Variants in SF1 observed in about 807,000 individuals in gnomAD.
The protein encoded by SF1 is branch point-binding protein.
A neutral mutation model predicts 62.5 loss-of-function variants in SF1; 7 were observed. That is an observed-to-expected ratio of 0.11 (90% CI 0.06 to 0.21). The LOEUF is 0.21. SF1 is among the 10% of genes least tolerant of loss of function. The pLI is 1.00. For missense variants in SF1, 578 were observed against 884.0 expected (o/e 0.65, Z 4.39); for synonymous variants, 394 against 323.6 (o/e 1.22, Z -2.33).
chr11:64,778,165 G>GGGCGGCGGCGGAGGC (rs1339992894), intron 1 of SF1, 197 bp downstream of exon 1: 1 of 898,832 alleles, frequency 1.1e-6, no homozygotes, highest in Non-Finnish European at 1.4e-6. Context: ...GAGGCGGAGG[G>GGGCGGCGGCGGAGGC]GGCGGCGGCG....
At chr11:64,777,373 C>G (rs947245491) in intron 1 of SF1, 4 of 408,116 alleles carry the variant, frequency 9.8e-6, no homozygotes, top group African/African-American at 8.7e-5. Flanking sequence ...AACAAAGCGA[C>G]AGGGCAGCCG....
In SF1 at chr11:64,765,682, C is replaced by G; in HGVS notation, c.*136G>C. 4 of 1,468,002 alleles carry G rather than the reference C, an allele frequency of 2.7e-6. No individual in the cohort carries two copies. The highest frequency in any genetic ancestry group is 5.1e-4 in the Middle Eastern group (2 of 3,910). 90.9% of individuals were successfully genotyped at this position (1,468,002 alleles called of 1,614,324 possible). On this transcript the variant is annotated 3_prime_UTR_variant, in exon 13 of 13. Coordinates refer to ENST00000377390, the MANE Select transcript of SF1 (RefSeq NM_004630.4). ...CTCAGTCGCTTGGCCCAGCCCAGTGCGTGCACACACACACATGCGTGCACA... is the reference window on the plus strand; with the variant it reads ...CTCAGTCGCTTGGCCCAGCCCAGTGGGTGCACACACACACATGCGTGCACA...
At position 64,767,072 on chromosome 11, in the gene SF1, C is replaced by T. The variant is rs1395928640; in HGVS notation, c.1410G>A (p.Met470Ile). The T allele has an allele frequency of 6.3e-7, 1 of 1,591,548 alleles. No individual in the cohort carries two copies. The highest frequency in any genetic ancestry group is 2.3e-5 in the East Asian group (1 of 44,442). The change falls in exon 12 of 13, where the codon ATG becomes ATA. Residue 470 changes from methionine (M) to isoleucine (I), a missense_variant. Physicochemically the swap from Met to Ile is conservative, Grantham distance 10 (BLOSUM62 1). This residue lies in a region of SF1 where 410 missense variants were observed against 452.4 expected (regional missense o/e 0.91). Transcript: ENST00000377390. ...GCATCATGCCCATAGGTGGTGGCGG[C>T]ATCATACCTGTGGACAGGTGGAGGC... ...VYRLHQGKGM[M>I]PPPPMGMMPP...
chr11:64,765,732 T>C lies in SF1; in HGVS notation c.*86A>G, dbSNP rs1276999222. 2 of 1,466,102 alleles carry C rather than the reference T, an allele frequency of 1.4e-6. No individual in the cohort carries two copies. Among genetic ancestry groups the C allele is most frequent in the Non-Finnish European group, 1.8e-6 (2 of 1,109,794 alleles). 90.8% of individuals were successfully genotyped at this position (1,466,102 alleles called of 1,614,324 possible). On this transcript the variant is annotated 3_prime_UTR_variant, in exon 13 of 13. Coordinates refer to ENST00000377390, the MANE Select transcript of SF1 (RefSeq NM_004630.4). ...ACACAATCACATGCGTGCGTCCCAA[T>C]GTCTGGCTCCATATGGTGAGGTTCG...
intron 1 of SF1, chr11:64,777,910 G>A (rs1016030372): frequency 1.0e-6 from 1 of 957,534 alleles, no homozygotes; most frequent in Non-Finnish European, 1.2e-6. Flanking sequence ...TGCAGCCGCC[G>A]TCGCCGCCGC....
intron 1 of SF1, chr11:64,778,071 A>G: frequency 4.1e-6 from 4 of 979,802 alleles, no homozygotes; most frequent in Non-Finnish European, 4.9e-6. Flanking sequence ...ACGCGCTGGT[A>G]GAGCGGCGGC....
At chr11:64,771,613 C>A (rs1938331744) in intron 3 of SF1, 1 of 985,282 alleles carries the variant, frequency 1.0e-6, no homozygotes, top group Non-Finnish European at 1.2e-6. Flanking sequence ...CTAATGACGG[C>A]TAAATGACAC....
chr11:64,776,667 T>C (rs1166950917), intron 1 of SF1, 41 bp from the exon 2 acceptor site: 1 of 1,596,612 alleles, frequency 6.3e-7, no homozygotes, highest in Non-Finnish European at 8.5e-7. Context: ...TAAATACAAG[T>C]AGTTATCAAC....
chr11:64,771,770 A>C, intron 3 of SF1: 1 of 984,964 alleles, frequency 1.0e-6, no homozygotes, highest in African/African-American at 1.7e-5. Flanking sequence ...CAAGTTAAGC[A>C]GCATCAAAAT....
chr11:64,769,661 G>C (rs532858132), intron 5 of SF1, 52 bp from the exon 6 acceptor site: 1 of 1,526,368 alleles, frequency 6.6e-7, no homozygotes, highest in Non-Finnish European at 8.9e-7. Context: ...ACACTCAAGA[G>C]GGAAGAGAGG....
In SF1 at chr11:64,768,126, C is replaced by T. The variant is rs368180863; in HGVS notation, c.1048G>A (p.Ala350Thr). 41 of 1,610,028 alleles carry T rather than the reference C, an allele frequency of 2.5e-5. No individual in the cohort carries two copies. Among genetic ancestry groups the T allele is most frequent in the South Asian group, 7.7e-5 (7 of 90,560 alleles). The change falls in exon 9 of 13, where the codon GCC becomes ACC. Residue 350 changes from alanine to threonine, a missense_variant. Physicochemically the swap from Ala to Thr is moderately conservative, Grantham distance 58. Coordinates refer to ENST00000377390, the MANE Select transcript of SF1 (RefSeq NM_004630.4). Reference protein sequence around the residue: ...LASAPRPAAPANNPPPPSLMS... With the variant: ...LASAPRPAAPTNNPPPPSLMS... Reference sequence around the variant, plus strand: ...CTCACCGGTGGAGGTGGGTTGTTGGCGGGAGCAGCAGGACGAGGTGCGCTG... The same window carrying T: ...CTCACCGGTGGAGGTGGGTTGTTGGTGGGAGCAGCAGGACGAGGTGCGCTG...
At chr11:64,776,094 A>G (rs943600156) in intron 2 of SF1, 1 of 157,476 alleles carries the variant, frequency 6.4e-6, no homozygotes, top group Non-Finnish European at 1.4e-5. Context: ...GGGGAGAAAT[A>G]TAAAATTATG....
rs2058538390 is a variant in SF1 at position 64,764,910 on chromosome 11, G to A, written c.*908C>T. On this transcript the variant is annotated 3_prime_UTR_variant, in exon 13 of 13. Transcript: ENST00000377390. ...CCAAATGGAATCTGAGGCAGCTCAG[G>A]TGATCAAGGAGCACAGGAAGAACTC... 1 of 152,344 alleles carries A rather than the reference G, an allele frequency of 6.6e-6. No individual in the cohort carries two copies. Among genetic ancestry groups the A allele is most frequent in the Non-Finnish European group, 1.5e-5 (1 of 68,100 alleles). 9.4% of individuals were successfully genotyped at this position (152,344 alleles called of 1,614,324 possible).
intron 3 of SF1, 57 bp from the exon 4 acceptor site, chr11:64,770,465 G>C (rs886848891): frequency 3.8e-6 from 6 of 1,574,336 alleles, no homozygotes; most frequent in Non-Finnish European, 5.2e-6. Flanking sequence ...ATTCCCACAC[G>C]GACTATAACA....
chr11:64,769,813 AC>A, intron 5 of SF1, 150 bp downstream of exon 5: 1 of 738,048 alleles, frequency 1.4e-6, no homozygotes, highest in Non-Finnish European at 2.2e-6. Context: ...AAGTTAAGAC[AC>A]CTTCTCACAG....
chr11:64,769,158 G>A (rs759609379), intron 7 of SF1, 29 bp from the exon 8 acceptor site: 32 of 1,609,862 alleles, frequency 2.0e-5, no homozygotes. Flanking sequence ...GTCAATGCAA[G>A]GGAACAATCT....
chr11:64,775,853 A>G (rs1276343077), intron 2 of SF1, among the ~76,000 whole-genome samples: 1 of 152,216 alleles, frequency 6.6e-6, no homozygotes, highest in African/African-American at 2.4e-5. Flanking sequence ...ACTTCATTCC[A>G]TATCCATGCA....
At chr11:64,778,146 G>T in intron 1 of SF1, 1 of 855,042 alleles carries the variant, frequency 1.2e-6, no homozygotes, top group Non-Finnish European at 1.5e-6. Context: ...GGCGGCGGCG[G>T]CTGCTGGGGA....
rs994016866 is a variant in SF1 at position 64,776,732 on chromosome 11, G to A, written c.32-106C>T. On this transcript the variant is annotated intron_variant, in intron 1 of 12. Coordinates refer to ENST00000377390, the MANE Select transcript of SF1 (RefSeq NM_004630.4). ...CAGAAACTCAGCAGACTGTGAAGCT[G>A]AGAGCTTAACCTAAAACTTAAACAT... is the stretch of plus-strand genomic sequence containing the variant. 1.3e-5 allele frequency: 14 copies of A among 1,105,238 alleles called. No homozygotes were observed. The East Asian group carries it at 1.6e-4, about 12-fold the overall frequency. 68.5% of individuals were successfully genotyped at this position (1,105,238 alleles called of 1,614,324 possible). A position where few individuals can be genotyped will look rare whatever the true frequency, so the allele number is the denominator to read the frequency against.
Sources: gnomAD v4.1 joint callset for allele counts (sites outside exome capture counted in the v4.1 genomes callset) on GRCh38, gnomAD v4.1.1 for gene constraint, gnomAD v4.1.1 regional missense constraint, MANE v1.5 for transcripts, NCBI Gene and HGNC (gene_info 2026-07-23, HGNC 2026-07-21) for gene names.